Variants in PINX1 observed in about 807,000 individuals in gnomAD.
PINX1 encodes the protein PIN2 (TERF1) interacting telomerase inhibitor 1, also known as PIN2/TERF1-interacting telomerase inhibitor 1.
PINX1 carries 34 observed loss-of-function variants against 25.4 expected under a neutral mutation model. That is an observed-to-expected ratio of 1.34 (90% CI 1.02 to 1.78). PINX1 has a LOEUF of 1.78. Among genes scored for constraint, PINX1 ranks in the 40% most tolerant of loss-of-function variants. The probability of loss-of-function intolerance (pLI) is 0.00; values close to 1 mark genes in which losing one functional copy is unlikely to be tolerated. For missense variants in PINX1, 592 were observed against 404.9 expected (o/e 1.46, Z -3.97); for synonymous variants, 197 against 147.7 (o/e 1.33, Z -2.42).
At chr8:10,837,072 A>T (rs1365565471) in intron 1 of PINX1, among the ~76,000 whole-genome samples, 1 of 152,236 alleles carries the variant, frequency 6.6e-6, no homozygotes, top group Non-Finnish European at 1.5e-5. Context: ...TGTTCATAAC[A>T]GGGAACTCAA....
chr8:10,836,728 C>T (rs145380367), intron 1 of PINX1, among the ~76,000 whole-genome samples: 422 of 152,166 alleles, frequency 2.8e-3, no homozygotes, highest in Non-Finnish European at 3.8e-3. Context: ...AAATGAGTAA[C>T]ACTGGGTTAA....
intron 6 of PINX1, among the ~76,000 whole-genome samples, chr8:10,811,821 G>C (rs2129083313): frequency 6.6e-6 from 1 of 152,300 alleles, no homozygotes; most frequent in East Asian, 1.9e-4. Flanking sequence ...CGAGGCCTCA[G>C]AAGTCACCTG....
At chr8:10,817,238 G>A (rs1374040587) in intron 6 of PINX1, among the ~76,000 whole-genome samples, 1 of 152,152 alleles carries the variant, frequency 6.6e-6, no homozygotes, top group African/African-American at 2.4e-5. Flanking sequence ...GTGACCTCCA[G>A]CAACACCTTG....
At chr8:10,812,422 A>C (rs1387439862) in intron 6 of PINX1, among the ~76,000 whole-genome samples, 1 of 152,196 alleles carries the variant, frequency 6.6e-6, no homozygotes, top group Non-Finnish European at 1.5e-5. Flanking sequence ...GAAGGGCTTG[A>C]ATGCATTTAG....
chr8:10,786,545 T>C (rs1352202727), intron 6 of PINX1, among the ~76,000 whole-genome samples: 3 of 152,120 alleles, frequency 2.0e-5, no homozygotes, highest in Admixed American at 6.5e-5. Context: ...CAGCCTACTT[T>C]AGGAAAATTA....
intron 6 of PINX1, among the ~76,000 whole-genome samples, chr8:10,812,403 T>A (rs925398984): frequency 6.6e-6 from 1 of 152,136 alleles, no homozygotes; most frequent in Non-Finnish European, 1.5e-5. Context: ...TGAGAGAAGG[T>A]CAGAGCTGGA....
chr8:10,781,872 T>C (rs1801597429), intron 6 of PINX1, among the ~76,000 whole-genome samples: 1 of 152,178 alleles, frequency 6.6e-6, no homozygotes, highest in East Asian at 1.9e-4. Flanking sequence ...CTTGTGAAGA[T>C]GCCTGCAGTC....
intron 6 of PINX1, among the ~76,000 whole-genome samples, chr8:10,814,862 C>T (rs577008518): frequency 6.6e-6 from 1 of 152,294 alleles, no homozygotes; most frequent in Admixed American, 6.5e-5. Flanking sequence ...GAACAAAAAT[C>T]CTCTCTAAGG....
intron 1 of PINX1, among the ~76,000 whole-genome samples, chr8:10,835,679 C>G (rs1462304192): frequency 6.6e-6 from 1 of 151,980 alleles, no homozygotes; most frequent in Non-Finnish European, 1.5e-5. Flanking sequence ...TTTTCTGAGG[C>G]TTCATTGCAA....
intron 6 of PINX1, among the ~76,000 whole-genome samples, chr8:10,769,552 G>T (rs942642973): frequency 6.6e-6 from 1 of 152,198 alleles, no homozygotes; most frequent in Non-Finnish European, 1.5e-5. Flanking sequence ...ATTTGAGGAA[G>T]CTTCACCCAA....
intron 6 of PINX1, among the ~76,000 whole-genome samples, chr8:10,802,800 T>C (rs1802311423): frequency 6.6e-6 from 1 of 152,236 alleles, no homozygotes; most frequent in Non-Finnish European, 1.5e-5. Flanking sequence ...TATATTCCAG[T>C]AAAGAACCAA....
rs771971391 is a variant in PINX1 at position 10,789,622 on chromosome 8, G to A, written c.472-23706C>T. On this transcript the variant is annotated intron_variant, in intron 6 of 6. Coordinates refer to ENST00000314787, the MANE Select transcript of PINX1 (RefSeq NM_017884.6). ...AGCATTTTAGGAATGTCCTCAAATA[G>A]CACAGGGACCATAAACAACACATGT... Among the ~76,000 whole-genome samples the A allele has an allele frequency of 5.9e-5, 9 of 152,222 alleles. 1 individual carries two copies. Among genetic ancestry groups the A allele is most frequent in the Non-Finnish European group, 1.0e-4 (7 of 68,044 alleles).
At chr8:10,813,662 T>C (rs950263693) in intron 6 of PINX1, among the ~76,000 whole-genome samples, 4 of 152,196 alleles carry the variant, frequency 2.6e-5, no homozygotes, top group African/African-American at 4.8e-5. Context: ...TTTGGTATCC[T>C]GGGAGAGTGA....
intron 2 of PINX1, among the ~76,000 whole-genome samples, chr8:10,834,044 C>G (rs1196137248): frequency 6.6e-6 from 1 of 152,084 alleles, no homozygotes; most frequent in African/African-American, 2.4e-5. Context: ...CAGACTTTAG[C>G]TAATTCAAAG....
chr8:10,797,088 C>T (rs946906606), intron 6 of PINX1, among the ~76,000 whole-genome samples: 1 of 152,068 alleles, frequency 6.6e-6, no homozygotes, highest in Admixed American at 6.5e-5. Flanking sequence ...ACACGTGAAC[C>T]TCCAGTACAG....
intron 6 of PINX1, among the ~76,000 whole-genome samples, chr8:10,793,273 A>C (rs1013953301): frequency 1.3e-5 from 2 of 152,196 alleles, no homozygotes; most frequent in East Asian, 3.9e-4. Flanking sequence ...CTACAAACCA[A>C]ATTATTATTG....
At chr8:10,766,643 C>G (rs560236289) in intron 6 of PINX1, among the ~76,000 whole-genome samples, 1 of 152,312 alleles carries the variant, frequency 6.6e-6, no homozygotes, top group African/African-American at 2.4e-5. Context: ...CTAACAAAAA[C>G]TGTATACTCG....
At chr8:10,821,064 T>A (rs1797852691) in intron 5 of PINX1, among the ~76,000 whole-genome samples, 1 of 152,222 alleles carries the variant, frequency 6.6e-6, no homozygotes, top group African/African-American at 2.4e-5. Context: ...CTAGTCCCAT[T>A]TGTCAACGGC....
chr8:10,772,175 C>G (rs1801247532), intron 6 of PINX1, among the ~76,000 whole-genome samples: 1 of 152,280 alleles, frequency 6.6e-6, no homozygotes, highest in Non-Finnish European at 1.5e-5. Flanking sequence ...GTGCATACCA[C>G]ATACAAAGGT....
Sources: gnomAD v4.1 joint callset for allele counts (sites outside exome capture counted in the v4.1 genomes callset) on GRCh38, gnomAD v4.1.1 for gene constraint, MANE v1.5 for transcripts, NCBI Gene and HGNC (gene_info 2026-07-23, HGNC 2026-07-21) for gene names.